SLC35D2: variants seen among roughly 807,000 people sequenced by gnomAD.
SLC35D2 encodes solute carrier family 35 member D2.
SLC35D2 carries 43 observed loss-of-function variants against 41.8 expected under a neutral mutation model. The observed-to-expected ratio is 1.03, with a 90% CI of 0.81 to 1.33. The LOEUF is 1.33. Among genes scored for constraint, SLC35D2 ranks in the 40% most tolerant of loss-of-function variants. The pLI, the probability that SLC35D2 is intolerant of heterozygous loss-of-function variation, is 0.00. For missense variants in SLC35D2, 380 were observed against 408.4 expected, an observed-to-expected ratio of 0.93 and a Z score of 0.60; for synonymous variants, 150 against 163.9, an observed-to-expected ratio of 0.92 and a Z score of 0.65.
intron 4 of SLC35D2, among the ~76,000 whole-genome samples, chr9:96,359,000 A>G (rs575802247): frequency 6.6e-6 from 1 of 151,714 alleles, no homozygotes; most frequent in East Asian, 2.0e-4. Flanking sequence ...ATAAGATATC[A>G]ACCCCTTAAA....
At chr9:96,356,974 G>C (rs547993838) in intron 4 of SLC35D2, among the ~76,000 whole-genome samples, 1 of 152,278 alleles carries the variant, frequency 6.6e-6, no homozygotes, top group African/African-American at 2.4e-5. Context: ...CTGAGGTCAG[G>C]AGTTCGAGAC....
intron 4 of SLC35D2, among the ~76,000 whole-genome samples, chr9:96,354,656 T>G (rs1165440962): frequency 2.0e-5 from 3 of 149,498 alleles, no homozygotes; most frequent in Non-Finnish European, 4.4e-5. Flanking sequence ...TAATCCCAGT[T>G]ATTTGGGAGA....
At chr9:96,316,028 T>C (rs1055161911), downstream of SLC35D2, among the ~76,000 whole-genome samples, 1 of 152,214 alleles carries the variant, frequency 6.6e-6, no homozygotes, top group African/African-American at 2.4e-5. Context: ...TTAATTCTAT[T>C]GGTAACAAAG....
intron 9 of SLC35D2, among the ~76,000 whole-genome samples, chr9:96,326,524 C>T (rs1006667774): frequency 6.6e-5 from 10 of 152,254 alleles, no homozygotes; most frequent in Middle Eastern, 3.4e-3. Context: ...TAAGTTTCGG[C>T]CAGGTGTGGT....
At chr9:96,328,371 C>T (rs1828648804) in intron 9 of SLC35D2, among the ~76,000 whole-genome samples, 2 of 152,204 alleles carry the variant, frequency 1.3e-5, no homozygotes, top group Admixed American at 1.3e-4. Flanking sequence ...CCACCTCAGC[C>T]TCCCAAAGTG....
chr9:96,328,289 T>A (rs1332220111), intron 9 of SLC35D2, among the ~76,000 whole-genome samples: 1 of 152,066 alleles, frequency 6.6e-6, no homozygotes, highest in Non-Finnish European at 1.5e-5. Context: ...CAGGCTGGAG[T>A]ACAGTGGCAC....
intron 1 of SLC35D2, among the ~76,000 whole-genome samples, chr9:96,380,472 T>A (rs1324174788): frequency 6.6e-6 from 1 of 151,890 alleles, no homozygotes; most frequent in African/African-American, 2.4e-5. Flanking sequence ...TCTTTTTTTT[T>A]TTTGAGACTG....
intron 8 of SLC35D2, among the ~76,000 whole-genome samples, chr9:96,341,993 C>T (rs750324043): frequency 5.4e-4 from 81 of 150,864 alleles, no homozygotes; most frequent in Non-Finnish European, 8.7e-4. Flanking sequence ...AGATAAACTC[C>T]GCTGATTTAA....
At chr9:96,316,605 T>C (rs887836229), downstream of SLC35D2, among the ~76,000 whole-genome samples, 2 of 152,162 alleles carry the variant, frequency 1.3e-5, no homozygotes, top group African/African-American at 2.4e-5. Context: ...CCTGACAGTC[T>C]GCATTTCTAA....
intron 4 of SLC35D2, among the ~76,000 whole-genome samples, 163 bp downstream of exon 4, chr9:96,359,991 C>G (rs527539482): frequency 3.9e-5 from 6 of 152,224 alleles, no homozygotes; most frequent in African/African-American, 1.2e-4. Flanking sequence ...AAATCATTGG[C>G]CAATTAAACT....
At chr9:96,329,465 T>C (rs1358848612) in intron 9 of SLC35D2, among the ~76,000 whole-genome samples, 1 of 152,090 alleles carries the variant, frequency 6.6e-6, no homozygotes, top group Non-Finnish European at 1.5e-5. Flanking sequence ...CCTCAAGTGA[T>C]CCTCCCACTC....
intron 8 of SLC35D2, among the ~76,000 whole-genome samples, chr9:96,339,094 T>A (rs1829186998): frequency 6.6e-6 from 1 of 152,184 alleles, no homozygotes; most frequent in South Asian, 2.1e-4. Flanking sequence ...ATATTTAGAT[T>A]CTTCACCAAC....
intron 4 of SLC35D2, among the ~76,000 whole-genome samples, chr9:96,353,344 ATTATTTAT>A (rs71308273): frequency 2.7e-5 from 4 of 149,544 alleles, no homozygotes; most frequent in Admixed American, 6.7e-5. Flanking sequence ...GCTGCAAAGG[ATTATTTAT>A]TTATTTATTT....
chr9:96,321,178 T>A lies in SLC35D2; in HGVS notation c.*64A>T. 8.0e-7 allele frequency: 1 copy of A among 1,253,618 alleles called. No homozygotes were observed. The highest frequency in any genetic ancestry group is 1.2e-6 in the Non-Finnish European group (1 of 860,480). 77.7% of individuals were successfully genotyped at this position (1,253,618 alleles called of 1,614,324 possible). ...GAATCCGAAACCTCTGGCTTCACAT[T>A]CCTACTGGGAATGCCCCCCCAGCCC... On this transcript the variant is annotated 3_prime_UTR_variant, in exon 12 of 12. Transcript: ENST00000253270.
chr9:96,355,764 G>A (rs888086436), intron 4 of SLC35D2, among the ~76,000 whole-genome samples: 3 of 152,132 alleles, frequency 2.0e-5, no homozygotes, highest in South Asian at 4.1e-4. Flanking sequence ...CCAAAGTGCT[G>A]GGATTACAGG....
At chr9:96,329,559 A>G (rs1324028295) in intron 9 of SLC35D2, among the ~76,000 whole-genome samples, 1 of 152,072 alleles carries the variant, frequency 6.6e-6, no homozygotes, top group African/African-American at 2.4e-5. Flanking sequence ...CTGCATTTTC[A>G]CATCTATGAT....
chr9:96,345,200 A>G, intron 7 of SLC35D2, 99 bp downstream of exon 7: 1 of 640,994 alleles, frequency 1.6e-6, no homozygotes, highest in Non-Finnish European at 2.7e-6. Flanking sequence ...ATATTATATA[A>G]ATTAAATTAC....
At chr9:96,363,400 C>T (rs1830358378) in intron 3 of SLC35D2, among the ~76,000 whole-genome samples, 1 of 152,126 alleles carries the variant, frequency 6.6e-6, no homozygotes, top group African/African-American at 2.4e-5. Flanking sequence ...AGAGAAACAG[C>T]AGCAAACCAG....
Position 96,343,999 on chromosome 9 carries a change from G to A in SLC35D2, c.592-3C>T, listed in dbSNP as rs185105277. The stretch of plus-strand genomic sequence containing the variant: ...AGTACTCCGTATTTCCCTAGCTCCT[G>A]CAAAAACAAAAATGTAAAAACCACT... On this transcript the variant is annotated splice_polypyrimidine_tract_variant and splice_region_variant and intron_variant, in intron 7 of 11. Coordinates refer to ENST00000253270, the MANE Select transcript of SLC35D2 (RefSeq NM_007001.3). 5.5e-4 allele frequency: 869 copies of A among 1,573,970 alleles called. 1 individual carries two copies. The highest frequency in any genetic ancestry group is 2.1e-3 in the Admixed American group (106 of 51,072).
Sources: gnomAD v4.1 joint callset for allele counts (sites outside exome capture counted in the v4.1 genomes callset) on GRCh38, gnomAD v4.1.1 for gene constraint, MANE v1.5 for transcripts, NCBI Gene and HGNC (gene_info 2026-07-23, HGNC 2026-07-21) for gene names.